TINAG: variants seen among roughly 807,000 people sequenced by gnomAD.
TINAG encodes the protein tubulointerstitial nephritis antigen.
A neutral mutation model predicts 72.7 loss-of-function variants in TINAG; 83 were observed. The ratio of observed to expected loss-of-function variants is 1.14; its 90% CI spans 0.96 to 1.37. TINAG has a LOEUF of 1.37. TINAG is among the 40% of genes most tolerant of loss of function. The pLI is 0.00. For missense variants in TINAG, 685 were observed against 576.6 expected (o/e 1.19, Z -1.93); for synonymous variants, 234 against 189.9 (o/e 1.23, Z -1.91).
At chr6:54,340,502 C>G (rs1024034492) in intron 4 of TINAG, among the ~76,000 whole-genome samples, 1 of 151,850 alleles carries the variant, frequency 6.6e-6, no homozygotes, top group South Asian at 2.1e-4. Context: ...TTTATAAACT[C>G]TAAACAATTT....
intron 9 of TINAG, among the ~76,000 whole-genome samples, chr6:54,355,890 A>G (rs1314592915): frequency 6.6e-6 from 1 of 151,796 alleles, no homozygotes; most frequent in Non-Finnish European, 1.5e-5. Flanking sequence ...GGAAAGAAGG[A>G]AAGAGATTTC....
chr6:54,358,552 G>C (rs1298415581), intron 9 of TINAG, among the ~76,000 whole-genome samples: 1 of 141,356 alleles, frequency 7.1e-6, no homozygotes, highest in Non-Finnish European at 1.5e-5. Flanking sequence ...AAAAAAAAAA[G>C]ATTAGGGAGA....
intron 1 of TINAG, among the ~76,000 whole-genome samples, chr6:54,311,372 C>T (rs1053509585): frequency 1.3e-5 from 2 of 152,126 alleles, no homozygotes; most frequent in Non-Finnish European, 1.5e-5. Context: ...TGATGGACAG[C>T]CTCATGCATG....
chr6:54,346,515 T>A (rs1033155566), intron 5 of TINAG, among the ~76,000 whole-genome samples: 34 of 151,436 alleles, frequency 2.2e-4, no homozygotes, highest in Non-Finnish European at 1.5e-5. Flanking sequence ...GTTACATATA[T>A]AGCTATTAGA....
At chr6:54,339,883 G>A (rs1562160468) in intron 4 of TINAG, among the ~76,000 whole-genome samples, 1 of 152,110 alleles carries the variant, frequency 6.6e-6, no homozygotes, top group Non-Finnish European at 1.5e-5. Flanking sequence ...AAGCTTAAAT[G>A]GGTGGGGGGA....
chr6:54,327,642 A>G (rs764141341), intron 4 of TINAG, among the ~76,000 whole-genome samples: 1 of 151,896 alleles, frequency 6.6e-6, no homozygotes, highest in Non-Finnish European at 1.5e-5. Flanking sequence ...GATGCCAGGG[A>G]GCCAAGTGGT....
At chr6:54,370,530 A>T (rs534665517) in intron 9 of TINAG, among the ~76,000 whole-genome samples, 17 of 152,156 alleles carry the variant, frequency 1.1e-4, no homozygotes, top group African/African-American at 4.1e-4. Context: ...AATTTTATTG[A>T]GTGATGGTTG....
intron 5 of TINAG, 145 bp downstream of exon 5, chr6:54,343,494 A>C (rs909549824): frequency 2.2e-6 from 2 of 912,098 alleles, no homozygotes; most frequent in African/African-American, 3.5e-5. Flanking sequence ...GAAGAAAGTA[A>C]CCTGAAGATT....
At chr6:54,377,533 T>TA (rs1763817415) in intron 9 of TINAG, among the ~76,000 whole-genome samples, 1 of 151,710 alleles carries the variant, frequency 6.6e-6, no homozygotes, top group African/African-American at 2.4e-5. Context: ...AATAAATAAA[T>TA]AAGAAATAAC....
chr6:54,343,289 T>C lies in TINAG; in HGVS notation c.688T>C (p.Trp230Arg). Residue 230 changes from tryptophan to arginine, a missense_variant, in exon 5 of 11, where the codon TGG (tryptophan) becomes CGG (arginine). By Grantham distance (101) the Trp-to-Arg change is moderately radical. Coordinates refer to ENST00000259782, the MANE Select transcript of TINAG (RefSeq NM_014464.4). ...FFVASYKWPG[W>R]THGPLDQKNC... ...TGTTGCTTCTTATAAATGGCCTGGA[T>C]GGACTCATGGCCCATTGGATCAAAA... The C allele has an allele frequency of 6.3e-7, 1 of 1,588,174 alleles. No homozygotes were observed. The highest frequency in any genetic ancestry group is 8.6e-7 in the Non-Finnish European group (1 of 1,165,574).
chr6:54,315,675 A>C (rs1055222134), intron 1 of TINAG, among the ~76,000 whole-genome samples: 6 of 104,132 alleles, frequency 5.8e-5, no homozygotes, highest in Admixed American at 2.9e-4. Flanking sequence ...AGACCCTGTC[A>C]AAGTAAAAAA....
At chr6:54,308,109 A>ATAAT, upstream of TINAG, 1 of 1,549,928 alleles carries the variant, frequency 6.5e-7, no homozygotes, top group Non-Finnish European at 8.7e-7. Flanking sequence ...GGTGAAACGA[A>ATAAT]TAATTGCATT....
intron 9 of TINAG, among the ~76,000 whole-genome samples, chr6:54,370,258 T>A (rs2150974413): frequency 6.6e-6 from 1 of 152,230 alleles, no homozygotes; most frequent in East Asian, 1.9e-4. Context: ...AAATATGATT[T>A]CTTTTATGTG....
intron 7 of TINAG, among the ~76,000 whole-genome samples, chr6:54,350,860 G>T (rs1036606948): frequency 2.0e-5 from 3 of 151,558 alleles, no homozygotes; most frequent in Admixed American, 6.6e-5. Context: ...TAGGTGCAGG[G>T]TCAATATTTG....
chr6:54,345,865 A>G (rs1409154537), intron 5 of TINAG, among the ~76,000 whole-genome samples: 1 of 152,088 alleles, frequency 6.6e-6, no homozygotes, highest in Non-Finnish European at 1.5e-5. Context: ...ATGTAAATGA[A>G]TTAAATGAAT....
At chr6:54,349,637 T>A in intron 6 of TINAG, 79 bp from the exon 7 acceptor site, 1 of 1,265,612 alleles carries the variant, frequency 7.9e-7, no homozygotes, top group South Asian at 2.1e-5. Context: ...GAATGTTTAA[T>A]TCAGTAAGAT....
In TINAG at chr6:54,308,738, G is replaced by T; in HGVS notation, c.188G>T (p.Cys63Phe). The T allele has an allele frequency of 6.2e-7, 1 of 1,613,938 alleles. No individual in the cohort carries two copies. Among genetic ancestry groups the T allele is most frequent in the Non-Finnish European group, 8.5e-7 (1 of 1,179,896 alleles). Residue 63 changes from cysteine (C) to phenylalanine (F), a missense_variant, in exon 1 of 11, where the codon TGT (cysteine) becomes TTT (phenylalanine). Transcript: ENST00000259782. Reference protein sequence around the residue: ...QGQYCRNFGCCEDRDDGCVTE... With the variant: ...QGQYCRNFGCFEDRDDGCVTE... ...CAATACTGTAGAAATTTTGGCTGTT[G>T]TGAAGACAGAGATGATGGCTGTGTC... is the stretch of plus-strand genomic sequence containing the variant.
chr6:54,338,061 C>T (rs769426339), intron 4 of TINAG, among the ~76,000 whole-genome samples: 2 of 152,146 alleles, frequency 1.3e-5, no homozygotes, highest in African/African-American at 2.4e-5. Context: ...TCACACCCTT[C>T]GGTAAACTTA....
intron 10 of TINAG, among the ~76,000 whole-genome samples, chr6:54,388,707 C>G (rs1312769035): frequency 6.6e-6 from 1 of 151,946 alleles, no homozygotes; most frequent in Non-Finnish European, 1.5e-5. Context: ...TCCATTGATA[C>G]TTTTGCTCCA....
Sources: allele counts gnomAD v4.1 joint callset (sites outside exome capture counted in the v4.1 genomes callset), GRCh38; gene constraint gnomAD v4.1.1; transcripts MANE v1.5; gene names NCBI Gene and HGNC (gene_info 2026-07-23, HGNC 2026-07-21).